ZBTB45: variants seen among roughly 807,000 people sequenced by gnomAD.
ZBTB45 encodes zinc finger and BTB domain containing 45, also known as zinc finger and BTB domain-containing protein 45.
ZBTB45 carries 22 observed loss-of-function variants against 28.4 expected under a neutral mutation model. The observed-to-expected ratio is 0.77, with a 90% CI of 0.55 to 1.10. ZBTB45 has a LOEUF of 1.10. ZBTB45 is among the 50% of genes least tolerant of loss of function. ZBTB45 has a pLI of 0.00. For missense variants in ZBTB45, 656 were observed against 750.2 expected (o/e 0.87, Z 1.47); for synonymous variants, 361 against 332.3 (o/e 1.09, Z -0.94).
intron 1 of ZBTB45, among the ~76,000 whole-genome samples, 185 bp from the exon 2 acceptor site, chr19:58,517,858 T>C (rs1442927235): frequency 1.4e-4 from 20 of 147,490 alleles, no homozygotes; most frequent in Non-Finnish European, 7.5e-5. Flanking sequence ...ACTCCAGCAC[T>C]CCCTCCTCCC....
At chr19:58,518,377 G>A (rs1173693918) in intron 1 of ZBTB45, among the ~76,000 whole-genome samples, 1 of 152,148 alleles carries the variant, frequency 6.6e-6, no homozygotes, top group African/African-American at 2.4e-5. Context: ...TAAAAGGTTG[G>A]GCAGTACCTT....
intron 1 of ZBTB45, chr19:58,519,089 C>T (rs1373749016): frequency 6.5e-6 from 1 of 152,816 alleles, no homozygotes; most frequent in Non-Finnish European, 1.5e-5. Flanking sequence ...CCCCTCGCCT[C>T]CCCTTCTGTT....
Position 58,517,166 on chromosome 19 carries a change from T to A in ZBTB45, c.508A>T (p.Ser170Cys). The A allele has an allele frequency of 6.2e-7, 1 of 1,610,816 alleles. No homozygotes were observed. Residue 170 changes from serine (S) to cysteine (C), a missense_variant, in exon 2 of 3, where the codon AGC becomes TGC. This residue lies in a region of ZBTB45 where 448 missense variants were observed against 444.3 expected (regional missense o/e 1.01). Transcript: ENST00000594051. Reference sequence around the variant, plus strand: ...CGCGCGGGCTGGCGCTGCTTACGGCTGTGTGCAGCACCGGGGTGCCCCGGG... The same window carrying A: ...CGCGCGGGCTGGCGCTGCTTACGGCAGTGTGCAGCACCGGGGTGCCCCGGG... ...RPPGHPGAAH[S>C]RKQRQPARLQ...
intron 1 of ZBTB45, chr19:58,538,641 CG>C (rs1457207363): frequency 2.0e-5 from 3 of 152,268 alleles, no homozygotes; most frequent in Non-Finnish European, 4.4e-5. Context: ...CACCTGGGAG[CG>C]GGGCCCGGGG....
chr19:58,516,890 G>T lies in ZBTB45; in HGVS notation c.784C>A (p.Leu262Ile). The T allele has an allele frequency of 6.2e-7, 1 of 1,613,376 alleles. No individual in the cohort carries two copies. The highest frequency in any genetic ancestry group is 8.5e-7 in the Non-Finnish European group (1 of 1,180,018). Residue 262 changes from leucine to isoleucine, a missense_variant, in exon 2 of 3, where the codon CTC (leucine) becomes ATC (isoleucine). Physicochemically the swap from Leu to Ile is conservative, Grantham distance 5. Coordinates refer to ENST00000594051, the MANE Select transcript of ZBTB45 (RefSeq NM_001316979.2). The surrounding 1 kb of genome is among the most constrained non-coding windows in gnomAD (Gnocchi z 6.2). ...CTCCCGGCACCACTGTAGTCAGCGA[G>T]GCCAGTGGGTGCAGGGGGCTCCTCG... ...ACEEPPAPTG[L>I]ADYSGAGRDF...
intron 1 of ZBTB45, 145 bp from the exon 2 acceptor site, chr19:58,517,818 C>A: frequency 1.4e-6 from 1 of 696,146 alleles, no homozygotes; most frequent in Non-Finnish European, 2.4e-6. Context: ...CCCCAGCTGC[C>A]CTTCACAGTC....
intron 2 of ZBTB45, 34 bp from the exon 3 acceptor site, chr19:58,514,344 C>T: frequency 6.4e-7 from 1 of 1,565,090 alleles, no homozygotes; most frequent in South Asian, 1.2e-5. Context: ...GAACGCAAGT[C>T]AGACTCTACA....
At position 58,532,579 on chromosome 19, in the gene ZBTB45, G is replaced by A. The variant is rs552358928; in HGVS notation, c.-1+6122C>T. Among the ~76,000 whole-genome samples the A allele has an allele frequency of 5.9e-5, 9 of 152,142 alleles. No individual in the cohort carries two copies. In the East Asian group the frequency reaches 7.7e-4, roughly 13 times the overall value. ...CTTTTTTTTTGAGATGGAGTTTCGC[G>A]CTTATCGCCAAGGCTGGAGTGCAGT... On this transcript the variant is annotated intron_variant, in intron 1 of 1. Coordinates refer to the ZBTB45 transcript ENST00000600130.
Position 58,517,492 on chromosome 19 carries a change from T to G in ZBTB45, c.182A>C (p.Lys61Thr). ...LAAGSPFFQD[K>T]LLLGHSEIRV... ...GATCTCAGAGTGGCCGAGCAGCAGC[T>G]TGTCTTGGAAGAAGGGTGAGCCGGC... is the stretch of plus-strand genomic sequence containing the variant. The change falls in exon 2 of 3, where the codon AAG becomes ACG. Residue 61 changes from lysine to threonine, a missense_variant. Lys to Thr is a moderately conservative substitution (Grantham distance 78). Around this residue, in one of 3 missense-constraint regions of ZBTB45, gnomAD observed 105 missense variants for 152.4 expected, o/e 0.69. Coordinates refer to ENST00000594051, the MANE Select transcript of ZBTB45 (RefSeq NM_001316979.2). The G allele has an allele frequency of 6.2e-7, 1 of 1,613,224 alleles. No individual in the cohort carries two copies. The highest frequency in any genetic ancestry group is 8.5e-7 in the Non-Finnish European group (1 of 1,179,958).
chr19:58,528,475 A>G (rs2053619156), intron 1 of ZBTB45, among the ~76,000 whole-genome samples: 3 of 149,658 alleles, frequency 2.0e-5, no homozygotes, highest in Admixed American at 6.7e-5. Context: ...AAAAAAAAAA[A>G]AAGTCCAGGT....
chr19:58,521,666 G>C (rs1315095210), upstream of ZBTB45, among the ~76,000 whole-genome samples: 1 of 152,156 alleles, frequency 6.6e-6, no homozygotes, highest in Non-Finnish European at 1.5e-5. Context: ...GTGAGATCCA[G>C]GGCCTCCACA....
chr19:58,517,779 C>T lies in ZBTB45; in HGVS notation c.1-106G>A, dbSNP rs76438071. On this transcript the variant is annotated intron_variant, in intron 1 of 2. Transcript: ENST00000594051. ...GTTGCAGGACAGGGCTCGAGTGCAC[C>T]ACACTCCAAGGCGCGCTAACCCATC... The T allele has an allele frequency of 1.5e-4, 162 of 1,088,744 alleles. No homozygotes were observed. The East Asian group carries it at 3.1e-3, about 21-fold the overall frequency. The allele number at this position is 1,088,744 out of a possible 1,614,324, so 67.4% of individuals were successfully genotyped here.
rs2053472989 is a variant in ZBTB45 at position 58,515,026 on chromosome 19, A to G, written c.1280-716T>C. On this transcript the variant is annotated intron_variant, in intron 2 of 2. Transcript: ENST00000594051. This position sits in a 1 kb window ranked among gnomAD's most constrained non-coding sequence, Gnocchi z 4.7. ...TCCACCCCTAGATTCATCAGATGTT[A>G]ACAAAATGCCTGTCTCAGCCAGGCG... Among the ~76,000 whole-genome samples, 1 of 152,170 alleles carries G rather than the reference A, an allele frequency of 6.6e-6. No individual in the cohort carries two copies. The highest frequency in any genetic ancestry group is 2.4e-5 in the African/African-American group (1 of 41,438).
At chr19:58,523,276 G>A (rs1414112616), upstream of ZBTB45, among the ~76,000 whole-genome samples, 20 of 151,130 alleles carry the variant, frequency 1.3e-4, no homozygotes, top group Admixed American at 1.3e-3. Context: ...CTGTGGTGGC[G>A]TCTGTAATCT....
At chr19:58,538,021 C>T (rs1323404369) in intron 1 of ZBTB45, among the ~76,000 whole-genome samples, 3 of 151,610 alleles carry the variant, frequency 2.0e-5, no homozygotes, top group South Asian at 2.1e-4. Flanking sequence ...TATTTTTAGC[C>T]GAGACGGGGT....
In ZBTB45 at chr19:58,516,324, G is replaced by A; in HGVS notation, c.1279+71C>T. 2 of 1,579,416 alleles carry A rather than the reference G, an allele frequency of 1.3e-6. No individual in the cohort carries two copies. Among genetic ancestry groups the A allele is most frequent in the Non-Finnish European group, 1.7e-6 (2 of 1,156,438 alleles). On this transcript the variant is annotated intron_variant, in intron 2 of 2. Coordinates refer to ENST00000594051, the MANE Select transcript of ZBTB45 (RefSeq NM_001316979.2). This position sits in a 1 kb window ranked among gnomAD's most constrained non-coding sequence, Gnocchi z 6.2. Reference sequence around the variant, plus strand: ...GAACAGTGCCAGTGCCCTGTAACTAGTGCTCAATTCCCCCTCAGGTTTAAC... The same window carrying A: ...GAACAGTGCCAGTGCCCTGTAACTAATGCTCAATTCCCCCTCAGGTTTAAC...
Position 58,538,305 on chromosome 19 carries a change from T to C in ZBTB45, c.-1+396A>G, listed in dbSNP as rs557451317. 3.5e-4 allele frequency among the ~76,000 whole-genome samples: 53 copies of C among 152,144 alleles called. No homozygotes were observed. The South Asian group carries it at 0.01, about 29-fold the overall frequency. Reference sequence around the variant, plus strand: ...ATCATAGCTCACTGCAGCCAACTCCTGGGCTCAAGCGATCTCAACGCGTCA... The same window carrying C: ...ATCATAGCTCACTGCAGCCAACTCCCGGGCTCAAGCGATCTCAACGCGTCA... On this transcript the variant is annotated intron_variant, in intron 1 of 1. Coordinates refer to the ZBTB45 transcript ENST00000600130.
Position 58,516,397 on chromosome 19 carries a change from G to A in ZBTB45, c.1277C>T (p.Ser426Leu). 1.9e-6 allele frequency: 3 copies of A among 1,613,966 alleles called. No individual in the cohort carries two copies. Among genetic ancestry groups the A allele is most frequent in the Non-Finnish European group, 2.5e-6 (3 of 1,179,866 alleles). The change falls in exon 2 of 3, where the codon TCG becomes TTG. Residue 426 changes from serine to leucine, a missense_variant and splice_region_variant. Ser to Leu is a moderately radical substitution (Grantham distance 145). Coordinates refer to ENST00000594051, the MANE Select transcript of ZBTB45 (RefSeq NM_001316979.2). The surrounding 1 kb of genome is among the most constrained non-coding windows in gnomAD (Gnocchi z 6.2). ...TCTCCTCCCCCGCCCTGGCTCACCC[G>A]AGTGGATGAACATGTGCTTGGTGTA... ...KNYTKHMFIH[S>L]GEKPHQCAVC...
chr19:58,527,213 C>G (rs907618521), intron 1 of ZBTB45, among the ~76,000 whole-genome samples: 1 of 152,198 alleles, frequency 6.6e-6, no homozygotes, highest in African/African-American at 2.4e-5. Flanking sequence ...AGGAATTCCA[C>G]CACCCACAGT....
Sources: allele counts gnomAD v4.1 joint callset (sites outside exome capture counted in the v4.1 genomes callset), GRCh38; gene constraint gnomAD v4.1.1; regional missense constraint gnomAD v4.1.1; non-coding constraint Gnocchi (gnomAD v3.1); transcripts MANE v1.5; gene names NCBI Gene and HGNC (gene_info 2026-07-23, HGNC 2026-07-21).